The following TBC1D5 variants were observed in gnomAD, a reference collection of about 807,000 sequenced individuals.
TBC1D5 encodes TBC1 domain family, member 5.
Under a neutral mutation model 100.3 loss-of-function variants are expected in TBC1D5, and 75 were observed. The observed-to-expected ratio is 0.75, with a 90% CI of 0.62 to 0.91. TBC1D5 has a LOEUF of 0.91. Among genes scored for constraint, TBC1D5 ranks in the 40% least tolerant of loss-of-function variants. The probability of loss-of-function intolerance (pLI) is 0.00; values close to 1 mark genes in which losing one functional copy is unlikely to be tolerated. For synonymous variants in TBC1D5, 323 were observed against 325.6 expected, an observed-to-expected ratio of 0.99 and a Z score of 0.09; for missense variants, 910 against 942.4, an observed-to-expected ratio of 0.97 and a Z score of 0.45.
chr3:17,525,288 C>G (rs370012833), intron 2 of TBC1D5, among the ~76,000 whole-genome samples: 2 of 152,098 alleles, frequency 1.3e-5, no homozygotes, highest in Non-Finnish European at 2.9e-5. Context: ...CGCCACCATA[C>G]CCAGCTAATT....
chr3:17,238,069 T>C, intron 17 of TBC1D5, 94 bp downstream of exon 17: 1 of 1,487,702 alleles, frequency 6.7e-7, no homozygotes. Flanking sequence ...TGCATTAATT[T>C]CTATTCTAGG....
chr3:17,526,821 G>C (rs1330212758), intron 2 of TBC1D5, among the ~76,000 whole-genome samples: 1 of 152,156 alleles, frequency 6.6e-6, no homozygotes, highest in African/African-American at 2.4e-5. Flanking sequence ...ACCTACAGTT[G>C]AAAATGATGG....
chr3:17,440,213 T>TA (rs1465864164), intron 3 of TBC1D5, among the ~76,000 whole-genome samples: 1 of 152,076 alleles, frequency 6.6e-6, no homozygotes, highest in Non-Finnish European at 1.5e-5. Context: ...AGGGGGTGGA[T>TA]AAGTCACAGA....
At chr3:17,695,373 A>C (rs2071871142) in intron 1 of TBC1D5, among the ~76,000 whole-genome samples, 1 of 152,206 alleles carries the variant, frequency 6.6e-6, no homozygotes, top group Non-Finnish European at 1.5e-5. Flanking sequence ...AATGACGCAC[A>C]TAGGCTAAAA....
chr3:17,182,624 A>G (rs1346359701), intron 19 of TBC1D5, among the ~76,000 whole-genome samples: 6 of 152,236 alleles, frequency 3.9e-5, no homozygotes, highest in South Asian at 4.1e-4. Flanking sequence ...GGTGAAAACT[A>G]AAGTCAAGTA....
chr3:17,268,326 T>C (rs2079040691), intron 15 of TBC1D5, among the ~76,000 whole-genome samples: 1 of 152,184 alleles, frequency 6.6e-6, no homozygotes, highest in African/African-American at 2.4e-5. Context: ...GCTTACATAA[T>C]ATCTATGCTA....
intron 13 of TBC1D5, among the ~76,000 whole-genome samples, chr3:17,336,511 T>C (rs2087829639): frequency 6.6e-6 from 1 of 152,096 alleles, no homozygotes; most frequent in Non-Finnish European, 1.5e-5. Context: ...GCAACTCTCT[T>C]TGGCATTCAT....
At chr3:17,346,119 T>C (rs958844522) in intron 13 of TBC1D5, among the ~76,000 whole-genome samples, 2 of 152,164 alleles carry the variant, frequency 1.3e-5, no homozygotes, top group Non-Finnish European at 1.5e-5. Context: ...AAAAAATCTT[T>C]AAAGCAAAAA....
At chr3:17,501,955 C>G (rs2095792229) in intron 3 of TBC1D5, among the ~76,000 whole-genome samples, 1 of 149,722 alleles carries the variant, frequency 6.7e-6, no homozygotes, top group South Asian at 2.1e-4. Context: ...TAATGTCACA[C>G]TAACTTATCA....
At chr3:17,600,425 T>C (rs2060855957) in intron 2 of TBC1D5, among the ~76,000 whole-genome samples, 1 of 152,212 alleles carries the variant, frequency 6.6e-6, no homozygotes, top group Admixed American at 6.5e-5. Flanking sequence ...TTAATTCATA[T>C]TGCTAATGTC....
intron 2 of TBC1D5, among the ~76,000 whole-genome samples, chr3:17,586,179 CTG>C (rs886733352): frequency 6.6e-6 from 1 of 152,148 alleles, no homozygotes; most frequent in Non-Finnish European, 1.5e-5. Context: ...AACTGAGTAA[CTG>C]TGTTGGTTGG....
intron 17 of TBC1D5, among the ~76,000 whole-genome samples, chr3:17,228,784 C>T (rs566859157): frequency 4.0e-5 from 6 of 151,704 alleles, no homozygotes; most frequent in South Asian, 4.2e-4. Flanking sequence ...ATTCTCTTTC[C>T]CTCTCTGAAA....
intron 1 of TBC1D5, among the ~76,000 whole-genome samples, chr3:17,652,258 C>T (rs1010618777): frequency 3.3e-5 from 5 of 152,114 alleles, no homozygotes; most frequent in African/African-American, 9.7e-5. Flanking sequence ...AATAATCTTT[C>T]TTCCTTTCTC....
intron 1 of TBC1D5, among the ~76,000 whole-genome samples, chr3:17,635,119 G>C (rs553894334): frequency 6.6e-6 from 1 of 152,302 alleles, no homozygotes; most frequent in Admixed American, 6.5e-5. Flanking sequence ...TGACTCCACT[G>C]TTTCTGACTG....
chr3:17,233,557 A>G, intron 17 of TBC1D5, 128 bp downstream of exon 18: 1 of 576,444 alleles, frequency 1.7e-6, no homozygotes, highest in Non-Finnish European at 3.1e-6. Context: ...TCAGTGGCTG[A>G]ACAATGGTAG....
intron 1 of TBC1D5, among the ~76,000 whole-genome samples, chr3:17,725,696 G>A (rs147955660): frequency 6.6e-6 from 1 of 152,274 alleles, no homozygotes; most frequent in East Asian, 1.9e-4. Flanking sequence ...CCTTCATATA[G>A]ATTCAGTCCT....
chr3:17,720,851 G>C (rs1452712166), intron 1 of TBC1D5, among the ~76,000 whole-genome samples: 1 of 148,278 alleles, frequency 6.7e-6, no homozygotes, highest in Non-Finnish European at 1.5e-5. Flanking sequence ...TTGTTTGTTT[G>C]TTTTTTGAGA....
chr3:17,183,077 T>A (rs2068626599), intron 19 of TBC1D5, among the ~76,000 whole-genome samples: 1 of 152,146 alleles, frequency 6.6e-6, no homozygotes, highest in Admixed American at 6.6e-5. Context: ...ACAGTCACTT[T>A]GCAACCTCCA....
At chr3:17,251,426 C>CG (rs1491205567) in intron 16 of TBC1D5, among the ~76,000 whole-genome samples, 2 of 3,650 alleles carry the variant, frequency 5.5e-4, no homozygotes, top group African/African-American at 2.3e-3. Flanking sequence ...CTCACGGGAA[C>CG]CCCCCCCCCC....
Sources: gnomAD v4.1 joint callset for allele counts (sites outside exome capture counted in the v4.1 genomes callset) on GRCh38, gnomAD v4.1.1 for gene constraint, MANE v1.5 for transcripts, NCBI Gene and HGNC (gene_info 2026-07-23, HGNC 2026-07-21) for gene names.